The following COL8A1 variants were observed in gnomAD, a reference collection of about 807,000 sequenced individuals.
The protein encoded by COL8A1 is collagen alpha-1(VIII) chain.
In COL8A1, 21 loss-of-function variants were observed where a neutral mutation model predicts 42.7. That is an observed-to-expected ratio of 0.49 (90% CI 0.35 to 0.71). The LOEUF (loss-of-function observed/expected upper bound fraction) is 0.71. COL8A1 is among the 30% of genes least tolerant of loss of function. COL8A1 has a pLI of 0.01. For synonymous variants in COL8A1, 367 were observed against 369.1 expected, an observed-to-expected ratio of 0.99 and a Z score of 0.06; for missense variants, 788 against 962.4, an observed-to-expected ratio of 0.82 and a Z score of 2.40.
chr3:99,795,590 C>CCCTCCAGGA lies in COL8A1; in HGVS notation c.1701_1709dup (p.Gly569_Pro571dup). The CCCTCCAGGA allele has an allele frequency of 2.5e-6, 4 of 1,610,950 alleles. No individual in the cohort carries two copies. Among genetic ancestry groups the CCCTCCAGGA allele is most frequent in the South Asian group, 1.1e-5 (1 of 90,818 alleles). On this transcript the variant is annotated inframe_insertion, in exon 4 of 4. Coordinates refer to ENST00000652472, the MANE Select transcript of COL8A1 (RefSeq NM_020351.4). ...AGCCTGGCCTTCCAGGACCCCCAGG[C>CCCTCCAGGA]CCTCCAGGACCTCCAGGACCCCCAG...
chr3:99,655,299 G>A (rs547749456), intron 1 of COL8A1, among the ~76,000 whole-genome samples: 31 of 152,260 alleles, frequency 2.0e-4, no homozygotes, highest in African/African-American at 7.0e-4. Flanking sequence ...AAGCTAGCAA[G>A]TCAGCTACCT....
At chr3:99,703,282 ATTTGCGCTG>A (rs1193679335) in intron 1 of COL8A1, 1 of 152,184 alleles carries the variant, frequency 6.6e-6, no homozygotes, top group Non-Finnish European at 1.5e-5. Flanking sequence ...AAGCTATGAG[ATTTGCGCTG>A]TTTCCCATTT....
intron 1 of COL8A1, among the ~76,000 whole-genome samples, chr3:99,660,744 G>T (rs1482666680): frequency 6.6e-6 from 1 of 152,126 alleles, no homozygotes; most frequent in African/African-American, 2.4e-5. Flanking sequence ...TAAAGTAAGA[G>T]CTTTTTACCC....
intron 2 of COL8A1, among the ~76,000 whole-genome samples, chr3:99,773,685 G>T (rs567837733): frequency 6.7e-6 from 1 of 150,106 alleles, no homozygotes; most frequent in Non-Finnish European, 1.5e-5. Context: ...TCAGGATCAC[G>T]CATAGCTTAC....
chr3:99,678,869 G>T (rs1204640637), intron 1 of COL8A1: 5 of 152,002 alleles, frequency 3.3e-5, no homozygotes. Flanking sequence ...AACTCCTTAG[G>T]ATTCATTTTA....
intron 1 of COL8A1, among the ~76,000 whole-genome samples, chr3:99,669,151 G>GTATA (rs1559773186): frequency 5.6e-4 from 64 of 114,060 alleles, no homozygotes; most frequent in South Asian, 9.1e-4. Flanking sequence ...ATATATAGAG[G>GTATA]GAGAGAGAGA....
intron 1 of COL8A1, among the ~76,000 whole-genome samples, chr3:99,674,082 T>C (rs1472247198): frequency 6.6e-6 from 1 of 152,070 alleles, no homozygotes; most frequent in Non-Finnish European, 1.5e-5. Flanking sequence ...AAAGAAACAA[T>C]CCTATGCTAT....
At chr3:99,763,229 T>A (rs1941397181) in intron 2 of COL8A1, among the ~76,000 whole-genome samples, 1 of 152,208 alleles carries the variant, frequency 6.6e-6, no homozygotes, top group Non-Finnish European at 1.5e-5. Context: ...TGAATTATTA[T>A]CTAACATAGA....
chr3:99,731,468 C>A (rs1010697900), intron 1 of COL8A1, among the ~76,000 whole-genome samples: 1 of 151,982 alleles, frequency 6.6e-6, no homozygotes, highest in African/African-American at 2.4e-5. Flanking sequence ...TGGAAAGAAG[C>A]CAGAGTGGGA....
At chr3:99,720,977 A>C (rs1348194581) in intron 1 of COL8A1, among the ~76,000 whole-genome samples, 1 of 151,974 alleles carries the variant, frequency 6.6e-6, no homozygotes. Flanking sequence ...CAGTGTGGCG[A>C]GTAGAAACGG....
intron 1 of COL8A1, among the ~76,000 whole-genome samples, chr3:99,658,038 A>T (rs1201833563): frequency 6.6e-6 from 1 of 151,770 alleles, no homozygotes; most frequent in Non-Finnish European, 1.5e-5. Flanking sequence ...GAGGCAGGAG[A>T]ATCACTTGAA....
intron 2 of COL8A1, among the ~76,000 whole-genome samples, chr3:99,786,127 T>C (rs76287491): frequency 2.0e-4 from 31 of 152,306 alleles, no homozygotes; most frequent in African/African-American, 6.3e-4. Flanking sequence ...GATACATCTC[T>C]CAACCTTCAC....
At chr3:99,744,004 C>G (rs1240339935) in intron 1 of COL8A1, among the ~76,000 whole-genome samples, 2 of 151,870 alleles carry the variant, frequency 1.3e-5, no homozygotes, top group African/African-American at 4.8e-5. Context: ...TCTCGGCTCA[C>G]CGCAAGCTCC....
rs902060621 is a variant in COL8A1 at position 99,655,933 on chromosome 3, T to A, written c.-129+17269T>A. ...AAAGTATGGAGGCCTAACAAGAAAG[T>A]AAGAAAAAAAGAAGCTATACAAACA... On this transcript the variant is annotated intron_variant, in intron 1 of 3. Transcript: ENST00000652472. Among the ~76,000 whole-genome samples, 5 of 151,822 alleles carry A rather than the reference T, an allele frequency of 3.3e-5. No individual in the cohort carries two copies. The South Asian group carries it at 8.3e-4, about 25-fold the overall frequency.
intron 1 of COL8A1, among the ~76,000 whole-genome samples, chr3:99,656,509 A>G (rs910642927): frequency 1.6e-4 from 25 of 151,864 alleles, no homozygotes; most frequent in Admixed American, 1.3e-4. Flanking sequence ...AAAAAAAAAA[A>G]GCTTTCCTCA....
At chr3:99,724,469 T>TCA (rs1940245037) in intron 1 of COL8A1, among the ~76,000 whole-genome samples, 2 of 152,130 alleles carry the variant, frequency 1.3e-5, no homozygotes. Flanking sequence ...TACCAGGCTG[T>TCA]TAAATCTCAG....
intron 1 of COL8A1, among the ~76,000 whole-genome samples, chr3:99,742,489 C>A (rs1193142697): frequency 2.6e-5 from 4 of 152,142 alleles, no homozygotes; most frequent in Admixed American, 2.6e-4. Context: ...CACTCTTTCT[C>A]ACAGTATTAT....
intron 1 of COL8A1, among the ~76,000 whole-genome samples, chr3:99,709,114 C>A (rs533732896): frequency 5.4e-5 from 8 of 148,418 alleles, no homozygotes; most frequent in African/African-American, 2.0e-4. Context: ...ACATCTTGTC[C>A]TCCAACCACC....
chr3:99,685,509 GCA>G (rs1939023371), intron 1 of COL8A1: 2 of 152,280 alleles, frequency 1.3e-5, no homozygotes, highest in East Asian at 1.9e-4. Context: ...ACCCGTCCCT[GCA>G]CAGTCTATAC....
Sources: gnomAD v4.1 joint callset for allele counts (sites outside exome capture counted in the v4.1 genomes callset) on GRCh38, gnomAD v4.1.1 for gene constraint, MANE v1.5 for transcripts, NCBI Gene and HGNC (gene_info 2026-07-23, HGNC 2026-07-21) for gene names.